The following SSH3 variants were observed in gnomAD, a reference collection of about 807,000 sequenced individuals.
SSH3 encodes the protein protein phosphatase Slingshot homolog 3.
A neutral mutation model predicts 75.0 loss-of-function variants in SSH3; 67 were observed. That is an observed-to-expected ratio of 0.89 (90% CI 0.73 to 1.10). The LOEUF (loss-of-function observed/expected upper bound fraction) is 1.10, where lower values mean the gene tolerates loss of function less well. Among genes scored for constraint, SSH3 ranks in the 50% least tolerant of loss-of-function variants. SSH3 has a pLI of 0.00. For synonymous variants in SSH3, 318 were observed against 349.2 expected, an observed-to-expected ratio of 0.91 and a Z score of 1.00; for missense variants, 824 against 872.7, an observed-to-expected ratio of 0.94 and a Z score of 0.70.
At position 67,310,120 on chromosome 11, in the gene SSH3, C is replaced by T. The variant is rs929357970; in HGVS notation, c.1464C>T (p.His488=). Residue 488 remains histidine, a synonymous_variant, in exon 13 of 14, where the codon CAC becomes CAT. Transcript: ENST00000308127. ...TGGGTGGGGTCTCCCCAGAGGAGCA[C>T]CCAGCCCCTGAAGTCTCTACACCAT... The part of the protein sequence containing the change: ...QKVGGVSPEE[H]PAPEVSTPFP... 29 of 1,614,010 alleles carry T rather than the reference C, an allele frequency of 1.8e-5. No individual in the cohort carries two copies. Among genetic ancestry groups the T allele is most frequent in the Non-Finnish European group, 2.0e-5 (24 of 1,180,042 alleles).
intron 13 of SSH3, among the ~76,000 whole-genome samples, chr11:67,311,340 G>C (rs1861408753): frequency 6.6e-6 from 1 of 152,146 alleles, no homozygotes; most frequent in African/African-American, 2.4e-5. Context: ...GGGCTTCTGG[G>C]GGCCAGAAGG....
chr11:67,309,782 A>G lies in SSH3; in HGVS notation c.1223A>G (p.His408Arg), dbSNP rs1198716483. The G allele has an allele frequency of 3.7e-6, 6 of 1,613,026 alleles. No individual in the cohort carries two copies. In the African/African-American group the frequency reaches 8.0e-5, roughly 22 times the overall value. The change falls in exon 12 of 14, where the codon CAC becomes CGC. Residue 408 changes from histidine to arginine, a missense_variant. By Grantham distance (29) the His-to-Arg change is conservative. Transcript: ENST00000308127. ...FIEAARAQGT[H>R]VLVHCKMGVS... is the part of the protein sequence containing the mutation. Reference sequence around the variant, plus strand: ...TGCTTCCACAGAGCACAGGGCACCCACGTGCTGGTCCACTGCAAGATGGGC... The same window carrying G: ...TGCTTCCACAGAGCACAGGGCACCCGCGTGCTGGTCCACTGCAAGATGGGC...
rs756838339 is a variant in SSH3 at position 67,307,954 on chromosome 11, C to T, written c.885+15C>T. On this transcript the variant is annotated intron_variant, in intron 8 of 13. Transcript: ENST00000308127. This position sits in a 1 kb window ranked among gnomAD's most constrained non-coding sequence, Gnocchi z 4.2. ...CTTCCAAAGAGGTGGGCAGGGGGCC[C>T]GGGGACTGAGTCCCCTCTAGCAGGG... 17 of 1,613,884 alleles carry T rather than the reference C, an allele frequency of 1.1e-5. No individual in the cohort carries two copies. Among genetic ancestry groups the T allele is most frequent in the African/African-American group, 1.3e-5 (1 of 74,946 alleles).
chr11:67,312,020 A>C lies in SSH3; in HGVS notation c.*133A>C. ...ACCCGTCACTACAGCCTCACCTCCC[A>C]CCCCTGTCACTACGGCCTCACCTCC... On this transcript the variant is annotated 3_prime_UTR_variant, in exon 14 of 14. Transcript: ENST00000308127. The C allele has an allele frequency of 8.4e-7, 1 of 1,183,656 alleles. No individual in the cohort carries two copies. Among genetic ancestry groups the C allele is most frequent in the Non-Finnish European group, 1.1e-6 (1 of 886,468 alleles). The allele number at this position is 1,183,656 out of a possible 1,614,324, so 73.3% of individuals were successfully genotyped here.
intron 3 of SSH3, 28 bp downstream of exon 3, chr11:67,305,035 G>A (rs1008440116): frequency 1.3e-6 from 2 of 1,586,522 alleles, no homozygotes; most frequent in Non-Finnish European, 1.7e-6. Context: ...GCTCCGGGGG[G>A]TGGGGGGAAG....
Position 67,307,569 on chromosome 11 carries a change from A to T in SSH3, c.623A>T (p.His208Leu), listed in dbSNP as rs201853900. 11 of 1,611,666 alleles carry T rather than the reference A, an allele frequency of 6.8e-6. 1 individual carries two copies. The highest frequency in any genetic ancestry group is 2.2e-5 in the South Asian group (2 of 90,926). ...CTCAGGGCCACACTCCAGGTATTGC[A>T]CCAAGCATGTGAGGCAGCTCTAGGC... ...QTMWATLQVLHQACEAALGSG... is the reference protein window; with the variant it reads ...QTMWATLQVLLQACEAALGSG... Residue 208 changes from histidine to leucine, a missense_variant, in exon 7 of 14, where the codon CAC (histidine) becomes CTC (leucine). Coordinates refer to ENST00000308127, the MANE Select transcript of SSH3 (RefSeq NM_017857.4). This position sits in a 1 kb window ranked among gnomAD's most constrained non-coding sequence, Gnocchi z 4.2.
chr11:67,305,487 C>A (rs1590883464), intron 3 of SSH3, among the ~76,000 whole-genome samples: 1 of 152,320 alleles, frequency 6.6e-6, no homozygotes, highest in East Asian at 1.9e-4. Context: ...CGCGCCCGGC[C>A]TGGGCAGAGA....
intron 11 of SSH3, 69 bp from the exon 12 acceptor site, chr11:67,309,699 G>C: frequency 1.3e-6 from 2 of 1,596,132 alleles, no homozygotes; most frequent in East Asian, 4.5e-5. Flanking sequence ...CCCTTCACCT[G>C]CCCTCCCCTG....
At chr11:67,304,208 C>G (rs1322010032) in intron 2 of SSH3, 53 bp downstream of exon 2, 6 of 1,410,938 alleles carry the variant, frequency 4.3e-6, no homozygotes, top group Non-Finnish European at 5.9e-6. Context: ...GGCCTGGCCA[C>G]GGCCGTCCTG....
At chr11:67,309,121 T>G in intron 10 of SSH3, 1 of 458,190 alleles carries the variant, frequency 2.2e-6, no homozygotes, top group Non-Finnish European at 4.0e-6. Flanking sequence ...GCTCAAAAGC[T>G]GTTCTCTAAC....
rs919566192 is a variant in SSH3 at position 67,311,475 on chromosome 11, C to T, written c.1684-116C>T. On this transcript the variant is annotated intron_variant, in intron 13 of 13. Coordinates refer to ENST00000308127, the MANE Select transcript of SSH3 (RefSeq NM_017857.4). ...TGCGTGCCACAAACATTCCGGCCCT[C>T]GCCTCCTCCTGGCTCTGTGCTTGGC... The T allele has an allele frequency of 6.0e-6, 8 of 1,340,318 alleles. No homozygotes were observed. In the Admixed American group the frequency reaches 6.4e-5, roughly 11 times the overall value. The allele number at this position is 1,340,318 out of a possible 1,614,324, so 83.0% of individuals were successfully genotyped here. A position where few individuals can be genotyped will look rare whatever the true frequency, so the allele number is the denominator to read the frequency against.
At position 67,309,504 on chromosome 11, in the gene SSH3, C is replaced by T. The variant is rs145193470; in HGVS notation, c.1169C>T (p.Pro390Leu). ...LWDEESAQLL[P>L]HWKETHRFIE... The stretch of plus-strand genomic sequence containing the variant: ...GATGAGGAGTCGGCCCAGCTGCTGC[C>T]GCACTGGAAGGAGACGCACCGCTTC... The change falls in exon 11 of 14, where the codon CCG becomes CTG. Residue 390 changes from proline (P) to leucine (L), a missense_variant. Pro to Leu is a moderately conservative substitution (Grantham distance 98). Coordinates refer to ENST00000308127, the MANE Select transcript of SSH3 (RefSeq NM_017857.4). 1.1e-3 allele frequency: 1,854 copies of T among 1,614,064 alleles called. 9 individuals carry two copies. The highest frequency in any genetic ancestry group is 7.7e-4 in the Non-Finnish European group (913 of 1,180,038).
chr11:67,309,319 C>A, intron 10 of SSH3, 78 bp from the exon 11 acceptor site: 1 of 1,580,962 alleles, frequency 6.3e-7, no homozygotes, highest in South Asian at 1.1e-5. Flanking sequence ...AAGCGAGGCC[C>A]AGGGGCTGCC....
intron 3 of SSH3, among the ~76,000 whole-genome samples, chr11:67,305,480 G>A (rs1211044807): frequency 1.3e-5 from 2 of 152,186 alleles, no homozygotes; most frequent in Non-Finnish European, 2.9e-5. Context: ...GAGCCACCGC[G>A]CCCGGCCTGG....
chr11:67,307,225 G>T lies in SSH3; in HGVS notation c.536+112G>T. ...TAGAACTTTAGGCTGGGACTCTGGG[G>T]CCTGCTCCCAGCTCCACGTCAGATT... On this transcript the variant is annotated intron_variant, in intron 5 of 13. Coordinates refer to ENST00000308127, the MANE Select transcript of SSH3 (RefSeq NM_017857.4). The surrounding 1 kb of genome is among the most constrained non-coding windows in gnomAD (Gnocchi z 4.2). The T allele has an allele frequency of 1.3e-6, 2 of 1,556,638 alleles. No homozygotes were observed. Among genetic ancestry groups the T allele is most frequent in the African/African-American group, 1.4e-5 (1 of 74,014 alleles).
At chr11:67,311,251 GCC>G (rs1861404432) in intron 13 of SSH3, among the ~76,000 whole-genome samples, 1 of 152,184 alleles carries the variant, frequency 6.6e-6, no homozygotes, top group Non-Finnish European at 1.5e-5. Flanking sequence ...GGTTTCACCT[GCC>G]GGCTGCCTAC....
chr11:67,308,092 G>A lies in SSH3; in HGVS notation c.886-82G>A. On this transcript the variant is annotated intron_variant, in intron 8 of 13. Transcript: ENST00000308127. This position sits in a 1 kb window ranked among gnomAD's most constrained non-coding sequence, Gnocchi z 4.9. ...ATCCATCTAGATGGGATAGGGTGCT[G>A]TCCTCAGAGGTCCCAGAGGGAAGGT... is the stretch of plus-strand genomic sequence containing the variant. The A allele has an allele frequency of 1.3e-6, 2 of 1,585,656 alleles. No homozygotes were observed. The highest frequency in any genetic ancestry group is 1.7e-6 in the Non-Finnish European group (2 of 1,166,236).
rs1861261133 is a variant in SSH3 at position 67,306,909 on chromosome 11, A to T, written c.411A>T (p.Glu137Asp). Reference sequence around the variant, plus strand: ...TGGTAGTTTCTACACGAGAAGGAGAAGGTCTGAGCCAGGATGAGACGGTCC... The same window carrying T: ...TGGTAGTTTCTACACGAGAAGGAGATGGTCTGAGCCAGGATGAGACGGTCC... ...YLLVVSTREG[E>D]GLSQDETVLL... The change falls in exon 4 of 14, where the codon GAA becomes GAT. Residue 137 changes from glutamate (E) to aspartate (D), a missense_variant. Coordinates refer to ENST00000308127, the MANE Select transcript of SSH3 (RefSeq NM_017857.4). 2 of 1,613,622 alleles carry T rather than the reference A, an allele frequency of 1.2e-6. 1 individual carries two copies. The highest frequency in any genetic ancestry group is 2.2e-5 in the South Asian group (2 of 91,082).
intron 10 of SSH3, 80 bp from the exon 11 acceptor site, chr11:67,309,317 C>T: frequency 1.9e-6 from 3 of 1,576,432 alleles, no homozygotes; most frequent in Non-Finnish European, 2.6e-6. Context: ...TAAAGCGAGG[C>T]CCAGGGGCTG....
Sources: gnomAD v4.1 joint callset for allele counts (sites outside exome capture counted in the v4.1 genomes callset) on GRCh38, gnomAD v4.1.1 for gene constraint, Gnocchi (gnomAD v3.1) non-coding constraint, MANE v1.5 for transcripts, NCBI Gene and HGNC (gene_info 2026-07-23, HGNC 2026-07-21) for gene names.